The following TLN2 variants were observed in gnomAD, a reference collection of about 807,000 sequenced individuals.
TLN2 encodes the protein talin 2.
Under a neutral mutation model 294.7 loss-of-function variants are expected in TLN2, and 118 were observed. The observed-to-expected ratio is 0.40, with a 90% CI of 0.34 to 0.47. TLN2 has a LOEUF of 0.47. TLN2 is among the 20% of genes least tolerant of loss of function. The pLI, the probability that TLN2 is intolerant of heterozygous loss-of-function variation, is 0.84. For missense variants in TLN2, 3,083 were observed against 3,282.2 expected (o/e 0.94, Z 1.48); for synonymous variants, 1,431 against 1,304.5 (o/e 1.10, Z -2.09).
chr15:62,535,460 CTG>C (rs2041284456), intron 1 of TLN2, among the ~76,000 whole-genome samples: 1 of 139,544 alleles, frequency 7.2e-6, no homozygotes, highest in African/African-American at 2.6e-5. Flanking sequence ...GAGACCCTGT[CTG>C]TGTGTACACA....
At chr15:62,802,634 T>A (rs1178308957) in intron 50 of TLN2, among the ~76,000 whole-genome samples, 1 of 152,198 alleles carries the variant, frequency 6.6e-6, no homozygotes, top group Non-Finnish European at 1.5e-5. Context: ...TAATTTTAGT[T>A]TTTTGAGGAA....
At chr15:62,518,972 C>T (rs1229771401) in intron 1 of TLN2, among the ~76,000 whole-genome samples, 1 of 152,186 alleles carries the variant, frequency 6.6e-6, no homozygotes, top group Non-Finnish European at 1.5e-5. Context: ...GTGCCACACA[C>T]AGTTCTAAGC....
At chr15:62,713,927 G>A (rs879740712) in intron 22 of TLN2, among the ~76,000 whole-genome samples, 53,201 of 123,140 alleles carry the variant, frequency 0.43, 13,931 homozygotes, top group Non-Finnish European at 0.59. Context: ...CTGTGTGTGT[G>A]TATGTGTGTG....
At chr15:62,818,841 T>A (rs1041439989) in intron 52 of TLN2, among the ~76,000 whole-genome samples, 33 of 43,968 alleles carry the variant, frequency 7.5e-4, no homozygotes, top group East Asian at 4.3e-3. Context: ...TTTTTTTTTT[T>A]ATTTTTATTT....
At chr15:62,683,360 G>A (rs766643216) in intron 11 of TLN2, among the ~76,000 whole-genome samples, 9 of 152,204 alleles carry the variant, frequency 5.9e-5, no homozygotes, top group Non-Finnish European at 1.2e-4. Context: ...AGTTTTAGCT[G>A]AAATACGTTT....
Position 62,702,189 on chromosome 15 carries a change from A to T in TLN2, c.1894A>T (p.Thr632Ser). The T allele has an allele frequency of 2.5e-6, 4 of 1,596,780 alleles. No individual in the cohort carries two copies. The highest frequency in any genetic ancestry group is 3.4e-6 in the Non-Finnish European group (4 of 1,170,524). Residue 632 changes from threonine to serine, a missense_variant, in exon 18 of 59, where the codon ACT becomes TCT. By Grantham distance (58) the Thr-to-Ser change is moderately conservative. Transcript: ENST00000636159. The stretch of plus-strand genomic sequence containing the variant: ...AGACTTGCTGAAAGCTGTGCAGCCT[A>T]CTTCTGGAGAGGTAAGCTCCAGAGG... ...VSDLLKAVQP[T>S]SGEPRQTVLT... is the part of the protein sequence containing the mutation.
intron 1 of TLN2, among the ~76,000 whole-genome samples, chr15:62,407,308 C>G (rs932653595): frequency 6.6e-6 from 1 of 152,110 alleles, no homozygotes; most frequent in Admixed American, 6.6e-5. Context: ...GACTGAAGCT[C>G]AGATCTCCTC....
At chr15:62,534,059 A>G (rs28630979) in intron 1 of TLN2, among the ~76,000 whole-genome samples, 39,151 of 152,034 alleles carry the variant, frequency 0.26, 5,400 homozygotes, top group East Asian at 0.55. Flanking sequence ...ATTCTGATTC[A>G]GCAGATCCAG....
At chr15:62,620,847 T>C (rs1174280799) in intron 3 of TLN2, among the ~76,000 whole-genome samples, 2 of 139,042 alleles carry the variant, frequency 1.4e-5, no homozygotes, top group African/African-American at 5.4e-5. Flanking sequence ...CTTTTTTTTT[T>C]TTTTTTTTTT....
intron 1 of TLN2, among the ~76,000 whole-genome samples, chr15:62,540,355 AC>A (rs1341780279): frequency 9.6e-6 from 1 of 104,214 alleles, no homozygotes; most frequent in Non-Finnish European, 2.0e-5. Flanking sequence ...AAATAAATAA[AC>A]TTTTTTTTTT....
At chr15:62,648,464 A>T (rs1413761635) in intron 4 of TLN2, among the ~76,000 whole-genome samples, 1 of 150,008 alleles carries the variant, frequency 6.7e-6, no homozygotes, top group Non-Finnish European at 1.5e-5. Flanking sequence ...AAGGGTAATT[A>T]TAAATACAAA....
chr15:62,658,574 C>T (rs1000046167), intron 9 of TLN2, among the ~76,000 whole-genome samples: 60 of 152,296 alleles, frequency 3.9e-4, no homozygotes, highest in African/African-American at 1.2e-3. Flanking sequence ...TACAAGGTGA[C>T]GCCGTGTCCT....
chr15:62,589,249 G>T (rs1004411842), intron 1 of TLN2, among the ~76,000 whole-genome samples: 1 of 152,142 alleles, frequency 6.6e-6, no homozygotes, highest in African/African-American at 2.4e-5. Flanking sequence ...GCAAAATCAA[G>T]AAGGGACCAC....
At chr15:62,439,001 T>C (rs1051143520) in intron 1 of TLN2, among the ~76,000 whole-genome samples, 4 of 152,258 alleles carry the variant, frequency 2.6e-5, no homozygotes, top group African/African-American at 9.6e-5. Context: ...AGGGCTTTTC[T>C]TTATTGTTTA....
At position 62,567,604 on chromosome 15, in the gene TLN2, G is replaced by T. The variant is rs572081541; in HGVS notation, c.-237-22083G>T. On this transcript the variant is annotated intron_variant, in intron 1 of 58. Coordinates refer to ENST00000636159, the MANE Select transcript of TLN2 (RefSeq NM_015059.3). ...AATCCCAGCACTTTGGGAGGCCAAG[G>T]CGGGTGGATCACTTGAGGGCAGGAG... Among the ~76,000 whole-genome samples, 17 of 152,212 alleles carry T rather than the reference G, an allele frequency of 1.1e-4. No individual in the cohort carries two copies. In the South Asian group the frequency reaches 3.5e-3, roughly 32 times the overall value.
chr15:62,717,050 C>T (rs2059823870), intron 23 of TLN2, among the ~76,000 whole-genome samples: 1 of 152,046 alleles, frequency 6.6e-6, no homozygotes, highest in Admixed American at 6.6e-5. Context: ...GAAGTCCCTC[C>T]ATATGCAGTC....
At chr15:62,589,421 T>C (rs904205709) in intron 1 of TLN2, among the ~76,000 whole-genome samples, 2 of 152,236 alleles carry the variant, frequency 1.3e-5, no homozygotes, top group African/African-American at 4.8e-5. Context: ...TTCAAAGCCA[T>C]TAAAGCATTC....
At chr15:62,644,694 C>T (rs1166603537) in intron 3 of TLN2, 5 of 417,256 alleles carry the variant, frequency 1.2e-5, no homozygotes, top group Non-Finnish European at 2.4e-5. Context: ...TCCTTTGATT[C>T]TGCTGCCCCT....
chr15:62,700,049 T>C (rs1473501803), intron 16 of TLN2, among the ~76,000 whole-genome samples: 1 of 152,168 alleles, frequency 6.6e-6, no homozygotes, highest in East Asian at 1.9e-4. Context: ...ATTTGCACAG[T>C]TGTGTGCGTG....
Sources: gnomAD v4.1 joint callset for allele counts (sites outside exome capture counted in the v4.1 genomes callset) on GRCh38, gnomAD v4.1.1 for gene constraint, MANE v1.5 for transcripts, NCBI Gene and HGNC (gene_info 2026-07-23, HGNC 2026-07-21) for gene names.